The following ZNF506 variants were observed in gnomAD, a reference collection of about 807,000 sequenced individuals.
ZNF506 encodes the protein zinc finger protein 506.
A neutral mutation model predicts 11.6 loss-of-function variants in ZNF506; 10 were observed. The observed-to-expected ratio is 0.86, with a 90% CI of 0.53 to 1.46. The LOEUF is 1.46. ZNF506 is among the 40% of genes most tolerant of loss of function. The probability of loss-of-function intolerance (pLI) is 0.00; values close to 1 mark genes in which losing one functional copy is unlikely to be tolerated. For missense variants in ZNF506, 425 were observed against 521.2 expected, an observed-to-expected ratio of 0.82 and a Z score of 1.80; for synonymous variants, 156 against 173.3, an observed-to-expected ratio of 0.90 and a Z score of 0.78.
At position 19,795,267 on chromosome 19, in the gene ZNF506, C is replaced by A; in HGVS notation, c.620G>T (p.Gly207Val). ...GEKRYKCEEC[G>V]KAYKQSSHLT... is the part of the protein sequence containing the mutation. ...GTGTGAGGACTGCTTATAGGCTTTA[C>A]CACATTCTTCACATTTATAGCGTTT... Residue 207 changes from glycine to valine, a missense_variant, in exon 4 of 4, where the codon GGT (glycine) becomes GTT (valine). Gly to Val is a moderately radical substitution (Grantham distance 109, BLOSUM62 -3). Around this residue, in one of 3 missense-constraint regions of ZNF506, gnomAD observed 226 missense variants for 279.1 expected, o/e 0.81. Transcript: ENST00000540806. 1 of 1,614,036 alleles carries A rather than the reference C, an allele frequency of 6.2e-7. No individual in the cohort carries two copies. The highest frequency in any genetic ancestry group is 2.2e-5 in the East Asian group (1 of 44,862).
chr19:19,818,071 A>T (rs2062946876), intron 1 of ZNF506, among the ~76,000 whole-genome samples: 1 of 148,232 alleles, frequency 6.7e-6, no homozygotes, highest in Admixed American at 6.7e-5. Flanking sequence ...CAAGTGATCA[A>T]CCCCCCTCGG....
intron 3 of ZNF506, chr19:19,795,980 G>A: frequency 3.3e-6 from 1 of 306,498 alleles, no homozygotes; most frequent in South Asian, 3.5e-5. Flanking sequence ...GTATAACATT[G>A]TGCCTTTAAA....
chr19:19,807,158 G>T, intron 1 of ZNF506, 90 bp from the exon 2 acceptor site: 2 of 1,590,300 alleles, frequency 1.3e-6, no homozygotes, highest in Non-Finnish European at 1.7e-6. Context: ...GTAAAGAGAA[G>T]TGGTTCTGAC....
At chr19:19,802,441 T>C (rs1311058027) in intron 3 of ZNF506, among the ~76,000 whole-genome samples, 1 of 152,146 alleles carries the variant, frequency 6.6e-6, no homozygotes, top group Non-Finnish European at 1.5e-5. Flanking sequence ...ATGAAATTGC[T>C]ATAATCCAAC....
chr19:19,819,534 G>C (rs1460466270), intron 1 of ZNF506, among the ~76,000 whole-genome samples: 3 of 152,116 alleles, frequency 2.0e-5, no homozygotes, highest in Non-Finnish European at 4.4e-5. Flanking sequence ...ACATAGCCAT[G>C]GTGGGTATCT....
rs368446770 is a variant in ZNF506, at chr19:19,794,880, G to A, written c.1007C>T (p.Thr336Ile). ...SNLTKHKRIH[T>I]GDVPYKCDEC... Reference sequence around the variant, plus strand: ...GTCACATTTGTAGGGTACATCTCCAGTATGAATTCTCTTATGTTTAGTAAG... The same window carrying A: ...GTCACATTTGTAGGGTACATCTCCAATATGAATTCTCTTATGTTTAGTAAG... The change falls in exon 4 of 4, where the codon ACT (threonine) becomes ATT (isoleucine). Residue 336 changes from threonine (T) to isoleucine (I), a missense_variant. Coordinates refer to ENST00000540806, the MANE Select transcript of ZNF506 (RefSeq NM_001099269.3). 5 of 1,613,292 alleles carry A rather than the reference G, an allele frequency of 3.1e-6. No homozygotes were observed. Among genetic ancestry groups the A allele is most frequent in the Middle Eastern group, 1.6e-4 (1 of 6,076 alleles).
At chr19:19,800,982 A>G (rs1317255596) in intron 3 of ZNF506, among the ~76,000 whole-genome samples, 1 of 150,490 alleles carries the variant, frequency 6.6e-6, no homozygotes, top group African/African-American at 2.4e-5. Flanking sequence ...CCAACATGGT[A>G]AAACCCCGTC....
intron 1 of ZNF506, among the ~76,000 whole-genome samples, chr19:19,807,892 G>A (rs375422586): frequency 6.6e-6 from 1 of 151,946 alleles, no homozygotes; most frequent in Non-Finnish European, 1.5e-5. Flanking sequence ...TTAGTAAGTG[G>A]AAGAGCCTGT....
intron 1 of ZNF506, among the ~76,000 whole-genome samples, chr19:19,819,420 C>T (rs964729820): frequency 3.3e-5 from 5 of 151,930 alleles, no homozygotes; most frequent in Admixed American, 6.6e-5. Context: ...GCCTTTCAAC[C>T]CCAAGGCTGC....
chr19:19,793,775 CA>C lies in ZNF506; in HGVS notation c.*776del, dbSNP rs1276488314. On this transcript the variant is annotated 3_prime_UTR_variant, in exon 4 of 4. Transcript: ENST00000540806. Reference sequence around the variant, plus strand: ...TCCTGTGAAATAAGGTGTAAGCACTCAAAAGTTTTGCCACATTCTTCACACT... The same window carrying C: ...TCCTGTGAAATAAGGTGTAAGCACTCAAAGTTTTGCCACATTCTTCACACT... 1 of 152,216 alleles carries C rather than the reference CA, an allele frequency of 6.6e-6. No individual in the cohort carries two copies. The highest frequency in any genetic ancestry group is 2.4e-5 in the African/African-American group (1 of 41,456). The allele number at this position is 152,216 out of a possible 1,614,324, so 9.4% of individuals were successfully genotyped here.
At chr19:19,809,811 C>G (rs556544790) in intron 1 of ZNF506, among the ~76,000 whole-genome samples, 1 of 152,268 alleles carries the variant, frequency 6.6e-6, no homozygotes, top group African/African-American at 2.4e-5. Context: ...CTGTGACCAT[C>G]CTTTAGTGCA....
intron 3 of ZNF506, among the ~76,000 whole-genome samples, chr19:19,800,410 ATAT>A (rs2062781988): frequency 7.3e-6 from 1 of 136,492 alleles, no homozygotes; most frequent in South Asian, 2.2e-4. Context: ...ATATATATAT[ATAT>A]TTATATATAT....
chr19:19,818,590 G>A (rs2062949687), intron 1 of ZNF506, among the ~76,000 whole-genome samples: 2 of 152,196 alleles, frequency 1.3e-5, no homozygotes. Context: ...AAAGGTAAAT[G>A]AGAATTATTA....
intron 3 of ZNF506, among the ~76,000 whole-genome samples, chr19:19,805,577 T>C (rs973822713): frequency 6.6e-6 from 1 of 152,114 alleles, no homozygotes; most frequent in African/African-American, 2.4e-5. Context: ...TTCAAGACTA[T>C]ATAGTAATAA....
At chr19:19,821,497 T>G in intron 1 of ZNF506, 104 bp downstream of exon 1, 3 of 1,468,238 alleles carry the variant, frequency 2.0e-6, no homozygotes, top group Non-Finnish European at 1.9e-6. Context: ...TGGAGCTGAC[T>G]GCCGGGAGGC....
chr19:19,813,058 G>A (rs1161622108), intron 1 of ZNF506, among the ~76,000 whole-genome samples: 1 of 152,170 alleles, frequency 6.6e-6, no homozygotes, highest in Non-Finnish European at 1.5e-5. Context: ...TGTTCATATA[G>A]TGGAATACAT....
chr19:19,816,638 T>A (rs111956051), intron 1 of ZNF506, among the ~76,000 whole-genome samples: 121 of 151,462 alleles, frequency 8.0e-4, no homozygotes, highest in South Asian at 4.2e-4. Context: ...GATTACAGGC[T>A]TGAGCCACTG....
rs371700440 is a variant in ZNF506 at position 19,795,035 on chromosome 19, T to C, written c.852A>G (p.Pro284=). The change falls in exon 4 of 4, where the codon CCA becomes CCG. Residue 284 remains proline (P), a synonymous_variant. Coordinates refer to ENST00000540806, the MANE Select transcript of ZNF506 (RefSeq NM_001099269.3). ...SHKKIHTGEK[P]YKCDKCGKAF... is the part of the protein sequence containing the mutation. ...CTTTGCCACATTTATCACACTTGTA[T>C]GGTTTCTCTCCAGTATGAATTTTCT... The C allele has an allele frequency of 3.3e-4, 530 of 1,613,352 alleles. 1 individual carries two copies. In the African/African-American group the frequency reaches 6.6e-3, roughly 20 times the overall value.
chr19:19,794,975 C>CTCA lies in ZNF506; in HGVS notation c.909_911dup (p.His303_Glu304insAsp), dbSNP rs1568471320. The CTCA allele has an allele frequency of 6.2e-7, 1 of 1,613,810 alleles. No individual in the cohort carries two copies. The highest frequency in any genetic ancestry group is 8.5e-7 in the Non-Finnish European group (1 of 1,180,008). ...AGGGTTTCTCTCCAGTATGAATTATCTCATGTTTAGTAAGGGTTGAGGATG... is the reference window on the plus strand; with the variant it reads ...AGGGTTTCTCTCCAGTATGAATTATCTCATCATGTTTAGTAAGGGTTGAGGATG... On this transcript the variant is annotated inframe_insertion, in exon 4 of 4. Coordinates refer to ENST00000540806, the MANE Select transcript of ZNF506 (RefSeq NM_001099269.3).
Sources: gnomAD v4.1 joint callset for allele counts (sites outside exome capture counted in the v4.1 genomes callset) on GRCh38, gnomAD v4.1.1 for gene constraint, gnomAD v4.1.1 regional missense constraint, MANE v1.5 for transcripts, NCBI Gene and HGNC (gene_info 2026-07-23, HGNC 2026-07-21) for gene names.